Variants in IL6ST observed in about 807,000 individuals in gnomAD.
IL6ST encodes the protein interleukin 6 cytokine family signal transducer, also known as interleukin-6 receptor subunit beta.
A neutral mutation model predicts 91.3 loss-of-function variants in IL6ST; 24 were observed. That is an observed-to-expected ratio of 0.26 (90% CI 0.19 to 0.37). The LOEUF (loss-of-function observed/expected upper bound fraction) is 0.37. Ranked by LOEUF, IL6ST falls within the 10% of genes least tolerant of loss-of-function variation. The pLI, the probability that IL6ST is intolerant of heterozygous loss-of-function variation, is 1.00. For synonymous variants in IL6ST, 351 were observed against 373.6 expected, an observed-to-expected ratio of 0.94 and a Z score of 0.70; for missense variants, 914 against 1,078.5, an observed-to-expected ratio of 0.85 and a Z score of 2.14.
At chr5:55,982,863 A>G (rs1753742619) in intron 1 of IL6ST, 52 bp from the exon 2 acceptor site, 2 of 397,636 alleles carry the variant, frequency 5.0e-6, no homozygotes, top group Non-Finnish European at 8.9e-6. Flanking sequence ...TAATTTTATT[A>G]TATGTGTACT....
chr5:55,984,072 G>A (rs1319742441), intron 1 of IL6ST, among the ~76,000 whole-genome samples: 4 of 151,760 alleles, frequency 2.6e-5, no homozygotes, highest in Non-Finnish European at 5.9e-5. Context: ...TCTGTAAAGG[G>A]CCAGATAATA....
intron 8 of IL6ST, among the ~76,000 whole-genome samples, chr5:55,958,021 T>C (rs1201776836): frequency 6.6e-6 from 1 of 152,252 alleles, no homozygotes; most frequent in Non-Finnish European, 1.5e-5. Flanking sequence ...TATATAAGGA[T>C]GATTGAGAGT....
intron 11 of IL6ST, 111 bp downstream of exon 11, chr5:55,954,699 T>A (rs549736115): frequency 2.9e-6 from 2 of 698,298 alleles, no homozygotes; most frequent in Admixed American, 5.5e-5. Flanking sequence ...GTAGTGAGGC[T>A]ATGATAAATT....
Position 55,936,249 on chromosome 5 carries a change from AG to A in IL6ST, c.*4832del, listed in dbSNP as rs1750516050. On this transcript the variant is annotated 3_prime_UTR_variant, in exon 17 of 17. Transcript: ENST00000381298. ...TTGAACTTCAAGTCTCACTGCAACA[AG>A]GATGGAGACTCCAGCAGAGTGCAGG... is the stretch of plus-strand genomic sequence containing the variant. The A allele has an allele frequency of 4.4e-6, 1 of 227,626 alleles. No homozygotes were observed. Among genetic ancestry groups the A allele is most frequent in the East Asian group, 6.3e-5 (1 of 15,906 alleles). The allele number at this position is 227,626 out of a possible 1,614,324, so 14.1% of individuals were successfully genotyped here.
rs1752856577 is a variant in IL6ST, at chr5:55,969,799, G to A, written c.121C>T (p.His41Tyr). The change falls in exon 4 of 17, where the codon CAT (histidine) becomes TAT (tyrosine). Residue 41 changes from histidine (H) to tyrosine (Y), a missense_variant. Transcript: ENST00000381298. ...ACACAAACTGCAGTGAAATTAGAAT[G>A]AAGTTGTACAACTGGAGATTCAGGA... The part of the protein sequence containing the change: ...ISPESPVVQL[H>Y]SNFTAVCVLK... 1 of 1,610,884 alleles carries A rather than the reference G, an allele frequency of 6.2e-7. No individual in the cohort carries two copies. The highest frequency in any genetic ancestry group is 1.7e-5 in the Admixed American group (1 of 59,992).
intron 13 of IL6ST, 148 bp from the exon 14 acceptor site, chr5:55,951,752 CT>C: frequency 1.2e-6 from 1 of 840,610 alleles, no homozygotes; most frequent in Non-Finnish European, 1.8e-6. Context: ...ATTTTATGTT[CT>C]AAAGCACAAC....
intron 2 of IL6ST, among the ~76,000 whole-genome samples, chr5:55,977,739 C>G (rs1350591502): frequency 6.6e-6 from 1 of 151,972 alleles, no homozygotes; most frequent in Non-Finnish European, 1.5e-5. Context: ...GGCAGGAGAA[C>G]TGTTTGAACC....
At chr5:55,982,680 G>A (rs1753734253) in intron 2 of IL6ST, 44 bp downstream of exon 2, 1 of 397,502 alleles carries the variant, frequency 2.5e-6, no homozygotes, top group South Asian at 1.3e-4. Context: ...TTGGAACTTT[G>A]TAAAATAAAA....
At chr5:55,959,761 T>C (rs1463211023) in intron 8 of IL6ST, 1 of 529,790 alleles carries the variant, frequency 1.9e-6, no homozygotes, top group Non-Finnish European at 3.1e-6. Context: ...AGTGTGGTTT[T>C]AATGATTCAG....
chr5:55,976,898 CA>C (rs1280566632), intron 2 of IL6ST, among the ~76,000 whole-genome samples: 1 of 152,144 alleles, frequency 6.6e-6, no homozygotes, highest in Non-Finnish European at 1.5e-5. Flanking sequence ...CTCTGGTAAA[CA>C]ATTTGATAGT....
At chr5:55,966,799 A>C (rs1752657484) in intron 5 of IL6ST, among the ~76,000 whole-genome samples, 1 of 152,182 alleles carries the variant, frequency 6.6e-6, no homozygotes, top group South Asian at 2.1e-4. Flanking sequence ...CTGTTTGGAA[A>C]AAACAAATGG....
intron 1 of IL6ST, among the ~76,000 whole-genome samples, chr5:55,984,432 T>A (rs1409095535): frequency 6.6e-6 from 1 of 152,220 alleles, no homozygotes; most frequent in Non-Finnish European, 1.5e-5. Context: ...TAGTACAATA[T>A]GACTGGTGTC....
At position 55,956,044 on chromosome 5, in the gene IL6ST, G is replaced by T; in HGVS notation, c.1248C>A (p.Ile416=). The T allele has an allele frequency of 6.2e-7, 1 of 1,612,522 alleles. No homozygotes were observed. Among genetic ancestry groups the T allele is most frequent in the Non-Finnish European group, 8.5e-7 (1 of 1,178,564 alleles). ...ACAAACCTTGAAAGTCACAGGCAGG[G>T]ATAGTTAAAACAGCTGCATCTGATT... The part of the protein sequence containing the change: ...VGKSDAAVLT[I]PACDFQATHP... The change falls in exon 10 of 17, where the codon ATC becomes ATA. Residue 416 remains isoleucine (I), a synonymous_variant. Transcript: ENST00000381298.
At chr5:55,982,686 T>C in intron 2 of IL6ST, 38 bp downstream of exon 2, 1 of 397,858 alleles carries the variant, frequency 2.5e-6, no homozygotes, top group Non-Finnish European at 4.4e-6. Flanking sequence ...CTTTGTAAAA[T>C]AAAAAAACAA....
intron 11 of IL6ST, among the ~76,000 whole-genome samples, chr5:55,953,336 T>C (rs1751757484): frequency 6.6e-6 from 1 of 152,230 alleles, no homozygotes; most frequent in Non-Finnish European, 1.5e-5. Flanking sequence ...GCTTTCAGGG[T>C]TACTGAGCAA....
At chr5:55,969,435 T>C in intron 4 of IL6ST, 115 bp downstream of exon 4, 1 of 675,666 alleles carries the variant, frequency 1.5e-6, no homozygotes, top group South Asian at 2.4e-5. Flanking sequence ...AAACCAAACA[T>C]GTCCAAGTCA....
At chr5:55,989,732 A>G (rs548941406) in intron 1 of IL6ST, among the ~76,000 whole-genome samples, 32 of 152,348 alleles carry the variant, frequency 2.1e-4, no homozygotes, top group African/African-American at 7.5e-4. Context: ...ACAAAGTGCC[A>G]CAGGAGCACA....
At chr5:55,973,838 T>C (rs1398073758) in intron 3 of IL6ST, among the ~76,000 whole-genome samples, 1 of 152,192 alleles carries the variant, frequency 6.6e-6, no homozygotes, top group Non-Finnish European at 1.5e-5. Context: ...CAGACACACA[T>C]GCTTATCAAA....
rs762203264 is a variant in IL6ST at position 55,976,261 on chromosome 5, A to C, written c.18T>G (p.Thr6=). ...AAATAAACAAGGCTTGCACTAGCCA[A>C]GTCTGCAACGTCAACATCTTGCGCG... MLTLQ[T]WLVQALFIFL... Residue 6 remains threonine, a synonymous_variant, in exon 3 of 17, where the codon ACT becomes ACG. Transcript: ENST00000381298. The C allele has an allele frequency of 1.9e-6, 3 of 1,588,552 alleles. No individual in the cohort carries two copies. Among genetic ancestry groups the C allele is most frequent in the Non-Finnish European group, 2.6e-6 (3 of 1,167,040 alleles).
Sources: allele counts gnomAD v4.1 joint callset (sites outside exome capture counted in the v4.1 genomes callset), GRCh38; gene constraint gnomAD v4.1.1; transcripts MANE v1.5; gene names NCBI Gene and HGNC (gene_info 2026-07-23, HGNC 2026-07-21).